The following BMAL1 variants were observed in gnomAD, a reference collection of about 807,000 sequenced individuals.
BMAL1 encodes basic helix-loop-helix ARNT like 1, also known as basic helix-loop-helix ARNT-like protein 1.
At chr11:13,371,332 A>G in the BMAL1 span, among the ~76,000 whole-genome samples, 1 of 151,332 alleles carries the variant, frequency 6.6e-6, no homozygotes, top group African/African-American at 2.5e-5. Context: ...CCAATCCAGA[A>G]AAGTTAGAGT....
the BMAL1 span, chr11:13,372,333 G>A: frequency 7.4e-6 from 12 of 1,614,196 alleles, no homozygotes; most frequent in Middle Eastern, 3.3e-4. Context: ...ACCAGTGAAC[G>A]GGGAAATCAG....
At chr11:13,360,614 C>CT in the BMAL1 span, among the ~76,000 whole-genome samples, 3 of 152,108 alleles carry the variant, frequency 2.0e-5, no homozygotes, top group African/African-American at 7.2e-5. Flanking sequence ...TTCTCCTCCT[C>CT]TTTTAACCTC....
At chr11:13,372,175 G>T in the BMAL1 span, 2 of 1,613,858 alleles carry the variant, frequency 1.2e-6, no homozygotes, top group Non-Finnish European at 1.7e-6. Context: ...GATCGAAAAA[G>T]CTTCTGCACA....
At chr11:13,370,896 C>T in the BMAL1 span, among the ~76,000 whole-genome samples, 1 of 152,246 alleles carries the variant, frequency 6.6e-6, no homozygotes, top group Non-Finnish European at 1.5e-5. Flanking sequence ...CAAGCCCCTT[C>T]TGGGCAATGC....
chr11:13,341,455 C>T, the BMAL1 span, among the ~76,000 whole-genome samples: 3 of 152,206 alleles, frequency 2.0e-5, no homozygotes, highest in Non-Finnish European at 2.9e-5. Flanking sequence ...CACTGCGTCT[C>T]GGCCTGCCCT....
chr11:13,338,959 T>A, the BMAL1 span, among the ~76,000 whole-genome samples: 1 of 152,208 alleles, frequency 6.6e-6, no homozygotes, highest in Admixed American at 6.5e-5. Context: ...TGGTGTCACC[T>A]AGACATCTCA....
the BMAL1 span, among the ~76,000 whole-genome samples, chr11:13,322,815 G>T: frequency 1.5e-5 from 2 of 136,354 alleles, no homozygotes; most frequent in African/African-American, 2.8e-5. Flanking sequence ...TTTGAGAGAG[G>T]GTCTTGCTCT....
chr11:13,302,512 G>A, the BMAL1 span, among the ~76,000 whole-genome samples: 1 of 152,224 alleles, frequency 6.6e-6, no homozygotes, highest in Admixed American at 6.5e-5. Flanking sequence ...TGAGGCACAA[G>A]TGTGACTTCC....
At chr11:13,369,760 G>GAAAAAAA in the BMAL1 span, 1 of 1,601,656 alleles carries the variant, frequency 6.2e-7, no homozygotes, top group Non-Finnish European at 8.5e-7. Flanking sequence ...CCTGCTCAAA[G>GAAAAAAA]AAAAAAGGTA....
the BMAL1 span, among the ~76,000 whole-genome samples, chr11:13,313,035 C>A: frequency 6.6e-6 from 1 of 152,192 alleles, no homozygotes; most frequent in Non-Finnish European, 1.5e-5. Flanking sequence ...GGGGTAAAAT[C>A]CATAAAATTC....
the BMAL1 span, among the ~76,000 whole-genome samples, chr11:13,350,745 A>T: frequency 6.6e-6 from 1 of 152,190 alleles, no homozygotes; most frequent in Non-Finnish European, 1.5e-5. Flanking sequence ...GCATTAAATT[A>T]AAAAAATCAT....
chr11:13,302,853 T>A, the BMAL1 span, among the ~76,000 whole-genome samples: 2 of 152,214 alleles, frequency 1.3e-5, no homozygotes, highest in Non-Finnish European at 2.9e-5. Flanking sequence ...GCTCACTACC[T>A]ATGTGTTTGT....
the BMAL1 span, chr11:13,369,803 G>A: frequency 1.3e-6 from 2 of 1,593,408 alleles, no homozygotes; most frequent in Non-Finnish European, 1.7e-6. Flanking sequence ...CCCTGTGACA[G>A]GTGAAGCATG....
the BMAL1 span, among the ~76,000 whole-genome samples, chr11:13,294,270 A>G: frequency 6.6e-6 from 1 of 152,260 alleles, no homozygotes; most frequent in Non-Finnish European, 1.5e-5. Context: ...TTATATTCAC[A>G]GTGCGCTCTA....
At chr11:13,284,849 A>G in the BMAL1 span, among the ~76,000 whole-genome samples, 3 of 152,016 alleles carry the variant, frequency 2.0e-5, no homozygotes, top group Admixed American at 2.0e-4. Flanking sequence ...CCCTGTGTCC[A>G]GTCTTCCAGG....
the BMAL1 span, among the ~76,000 whole-genome samples, chr11:13,347,511 A>G: frequency 1.3e-5 from 2 of 152,124 alleles, no homozygotes; most frequent in South Asian, 2.1e-4. Flanking sequence ...GAAATTTCAT[A>G]TGGAGTTTAG....
the BMAL1 span, among the ~76,000 whole-genome samples, chr11:13,358,171 A>G: frequency 6.6e-6 from 1 of 152,254 alleles, no homozygotes; most frequent in Non-Finnish European, 1.5e-5. Context: ...TGAACAATTC[A>G]GTTTACTCTG....
At chr11:13,365,587 A>G in the BMAL1 span, 1 of 1,613,368 alleles carries the variant, frequency 6.2e-7, no homozygotes, top group Non-Finnish European at 8.5e-7. Context: ...CCTCAACTAC[A>G]GCCAGGTATT....
the BMAL1 span, among the ~76,000 whole-genome samples, chr11:13,310,356 G>T: frequency 2.6e-5 from 4 of 152,198 alleles, no homozygotes; most frequent in African/African-American, 9.6e-5. Context: ...AAGCTAGATT[G>T]AAAAAAGTCC....
Sources: gnomAD v4.1 joint callset for allele counts (sites outside exome capture counted in the v4.1 genomes callset) on GRCh38, gnomAD v4.1.1 for gene constraint, MANE v1.5 for transcripts, NCBI Gene and HGNC (gene_info 2026-07-23, HGNC 2026-07-21) for gene names.